Variants in CPXM1 observed in about 807,000 individuals in gnomAD.
CPXM1 encodes the protein carboxypeptidase X, M14 family member 1.
CPXM1 carries 72 observed loss-of-function variants against 80.4 expected under a neutral mutation model. The observed-to-expected ratio is 0.90, with a 90% CI of 0.74 to 1.09. CPXM1 has a LOEUF of 1.09. Among genes scored for constraint, CPXM1 ranks in the 50% least tolerant of loss-of-function variants. The probability of loss-of-function intolerance (pLI) is 0.00; values close to 1 mark genes in which losing one functional copy is unlikely to be tolerated. For missense variants in CPXM1, 892 were observed against 999.4 expected (o/e 0.89, Z 1.45); for synonymous variants, 403 against 405.6 (o/e 0.99, Z 0.08).
At chr20:2,799,514 C>T (rs1315658575) in intron 1 of CPXM1, among the ~76,000 whole-genome samples, 1 of 152,172 alleles carries the variant, frequency 6.6e-6, no homozygotes, top group Non-Finnish European at 1.5e-5. Context: ...TGGGGGTACC[C>T]ATCGAAGCTC....
chr20:2,794,471 ATCT>A lies in CPXM1; in HGVS notation c.1964-43_1964-41del, dbSNP rs747365726. The A allele has an allele frequency of 2.5e-6, 4 of 1,613,170 alleles. No homozygotes were observed. The highest frequency in any genetic ancestry group is 2.2e-5 in the South Asian group (2 of 91,036). Reference sequence around the variant, plus strand: ...GGGCACGATCAGGACCCAATTAATGATCTTCTGCTTCTTCCCGAGCCTCCAGCC... The same window carrying A: ...GGGCACGATCAGGACCCAATTAATGATCTGCTTCTTCCCGAGCCTCCAGCC... On this transcript the variant is annotated intron_variant, in intron 13 of 13. Transcript: ENST00000380605. The surrounding 1 kb of genome is among the most constrained non-coding windows in gnomAD (Gnocchi z 5.2).
Position 2,798,135 on chromosome 20 carries a change from G to GA in CPXM1, c.590+16_590+17insT, listed in dbSNP as rs753768221. 8 of 1,613,820 alleles carry GA rather than the reference G, an allele frequency of 5.0e-6. No individual in the cohort carries two copies. The South Asian group carries it at 8.8e-5, about 18-fold the overall frequency. Reference sequence around the variant, plus strand: ...AGTCCTTCTGTGACCTCCTGACCTAGGGTTAGTCTGCCTCACCTCCAGACA... The same window carrying GA: ...AGTCCTTCTGTGACCTCCTGACCTAGAGGTTAGTCTGCCTCACCTCCAGACA... On this transcript the variant is annotated intron_variant, in intron 4 of 13. Coordinates refer to ENST00000380605, the MANE Select transcript of CPXM1 (RefSeq NM_019609.5).
intron 2 of CPXM1, 77 bp downstream of exon 2, chr20:2,798,649 C>A: frequency 1.3e-6 from 2 of 1,554,846 alleles, no homozygotes; most frequent in African/African-American, 2.7e-5. Flanking sequence ...CGTGCCGGTG[C>A]CCATGAGGCC....
Position 2,794,397 on chromosome 20 carries a change from T to C in CPXM1, c.1998A>G (p.Pro666=), listed in dbSNP as rs765774641. The change falls in exon 14 of 14, where the codon CCA becomes CCG. Residue 666 remains proline, a synonymous_variant. Transcript: ENST00000380605. The surrounding 1 kb of genome is among the most constrained non-coding windows in gnomAD (Gnocchi z 5.2). ...WGGDYWRLLT[P]GDYMVTASAE... ...CACTGGCAGTCACCATGTAGTCCCC[T>C]GGGGTCAGCAGACGCCAATAATCCC... 6 of 1,614,078 alleles carry C rather than the reference T, an allele frequency of 3.7e-6. No homozygotes were observed. Among genetic ancestry groups the C allele is most frequent in the Non-Finnish European group, 5.1e-6 (6 of 1,179,992 alleles).
intron 2 of CPXM1, 68 bp from the exon 3 acceptor site, chr20:2,798,605 C>T: frequency 1.3e-6 from 2 of 1,558,468 alleles, no homozygotes; most frequent in South Asian, 1.1e-5. Flanking sequence ...GGAAGCTGAG[C>T]CTAAGGTTGC....
rs750433421 is a variant in CPXM1, at chr20:2,796,249, G to C, written c.1240C>G (p.Arg414Gly). The change falls in exon 9 of 14, where the codon CGG becomes GGG. Residue 414 changes from arginine (R) to glycine (G), a missense_variant and splice_region_variant. Coordinates refer to ENST00000380605, the MANE Select transcript of CPXM1 (RefSeq NM_019609.5). The surrounding 1 kb of genome is among the most constrained non-coding windows in gnomAD (Gnocchi z 6.8). ...NPDGYEIAYH[R>G]GSELVGWAEG... ...GGCCCTCATGCTGGGTGGCCTACCC[G>C]GTGGTAGGCGATCTCATAGCCATCA... is the stretch of plus-strand genomic sequence containing the variant. 1 of 1,613,316 alleles carries C rather than the reference G, an allele frequency of 6.2e-7. No homozygotes were observed. Among genetic ancestry groups the C allele is most frequent in the Admixed American group, 1.7e-5 (1 of 59,994 alleles).
chr20:2,795,745 T>G lies in CPXM1; in HGVS notation c.1574A>C (p.Asp525Ala). Residue 525 changes from aspartate to alanine, a missense_variant, in exon 11 of 14, where the codon GAT becomes GCT. By Grantham distance (126) the Asp-to-Ala change is moderately radical. Around this residue, in one of 2 missense-constraint regions of CPXM1, gnomAD observed 874 missense variants for 958.4 expected, o/e 0.91. Coordinates refer to ENST00000380605, the MANE Select transcript of CPXM1 (RefSeq NM_019609.5). This position sits in a 1 kb window ranked among gnomAD's most constrained non-coding sequence, Gnocchi z 5.4. ...GCTGAGCCAGCGAAACACAGCATCA[T>G]CTGGTGTGGGCGTGAGCTCGCGGGC... ...WAARELTPTP[D>A]DAVFRWLSTV... 1.9e-6 allele frequency: 3 copies of G among 1,613,814 alleles called. No individual in the cohort carries two copies. Among genetic ancestry groups the G allele is most frequent in the Non-Finnish European group, 2.5e-6 (3 of 1,180,006 alleles).
chr20:2,797,442 C>T, intron 5 of CPXM1, 100 bp from the exon 6 acceptor site: 1 of 1,288,790 alleles, frequency 7.8e-7, no homozygotes, highest in Non-Finnish European at 1.0e-6. Context: ...TGTCTCCCCA[C>T]CCTAGTGGGC....
intron 1 of CPXM1, 98 bp from the exon 2 acceptor site, chr20:2,798,991 G>T: frequency 1.6e-6 from 2 of 1,247,024 alleles, no homozygotes; most frequent in South Asian, 1.4e-5. Context: ...GCCCACAGCA[G>T]GCCACACCAC....
At position 2,795,920 on chromosome 20, in the gene CPXM1, G is replaced by T; in HGVS notation, c.1423-24C>A. The T allele has an allele frequency of 6.2e-7, 1 of 1,604,572 alleles. No homozygotes were observed. The highest frequency in any genetic ancestry group is 1.1e-5 in the South Asian group (1 of 90,302). On this transcript the variant is annotated intron_variant, in intron 10 of 13. Coordinates refer to ENST00000380605, the MANE Select transcript of CPXM1 (RefSeq NM_019609.5). The surrounding 1 kb of genome is among the most constrained non-coding windows in gnomAD (Gnocchi z 5.4). ...ACCTGGATGGGGCAGGTCAGGAGGGGCAGGAGACAGAGACAAGGTCCGCCC... is the reference window on the plus strand; with the variant it reads ...ACCTGGATGGGGCAGGTCAGGAGGGTCAGGAGACAGAGACAAGGTCCGCCC...
rs376564008 is a variant in CPXM1, at chr20:2,795,831, G to T, written c.1488C>A (p.Asn496Lys). 6.2e-7 allele frequency: 1 copy of T among 1,612,012 alleles called. No homozygotes were observed. ...MKRIPFVLSANLHGGELVVSY... is the reference protein window; with the variant it reads ...MKRIPFVLSAKLHGGELVVSY... ...ACACCACGAGCTCACCCCCGTGGAG[G>T]TTGGCACTTAGCACAAAGGGGATCC... The change falls in exon 11 of 14, where the codon AAC becomes AAA. Residue 496 changes from asparagine to lysine, a missense_variant. By Grantham distance (94) the Asn-to-Lys change is moderately conservative. This residue lies in a region of CPXM1 where 874 missense variants were observed against 958.4 expected (regional missense o/e 0.91). Coordinates refer to ENST00000380605, the MANE Select transcript of CPXM1 (RefSeq NM_019609.5). This position sits in a 1 kb window ranked among gnomAD's most constrained non-coding sequence, Gnocchi z 5.4.
Position 2,798,896 on chromosome 20 carries a change from TG to T in CPXM1, c.173-4del, listed in dbSNP as rs777260758. 3.3e-5 allele frequency: 53 copies of T among 1,613,204 alleles called. No individual in the cohort carries two copies. The highest frequency in any genetic ancestry group is 3.3e-4 in the Middle Eastern group (2 of 6,048). On this transcript the variant is annotated splice_region_variant and splice_polypyrimidine_tract_variant and intron_variant, in intron 1 of 13. Coordinates refer to ENST00000380605, the MANE Select transcript of CPXM1 (RefSeq NM_019609.5). The stretch of plus-strand genomic sequence containing the variant: ...CCGGACATGCTGTTCTGAGGTCCCT[TG>T]GGGTCCGAGAGGCACAGCATGGGGG...
At position 2,795,951 on chromosome 20, in the gene CPXM1, A is replaced by G; in HGVS notation, c.1422+31T>C. 2 of 1,600,018 alleles carry G rather than the reference A, an allele frequency of 1.2e-6. No individual in the cohort carries two copies. The highest frequency in any genetic ancestry group is 1.7e-6 in the Non-Finnish European group (2 of 1,170,876). On this transcript the variant is annotated intron_variant, in intron 10 of 13. Transcript: ENST00000380605. The surrounding 1 kb of genome is among the most constrained non-coding windows in gnomAD (Gnocchi z 5.4). ...GACAGAGACAAGGTCCGCCCCCCAC[A>G]GACCTCCACTGCCGCCCTCAAAATA... is the stretch of plus-strand genomic sequence containing the variant.
At chr20:2,797,399 A>G in intron 5 of CPXM1, 57 bp from the exon 6 acceptor site, 1 of 1,435,996 alleles carries the variant, frequency 7.0e-7, no homozygotes, top group South Asian at 1.5e-5. Flanking sequence ...CTGGCCCAGG[A>G]CCCAGGGAAG....
In CPXM1 at chr20:2,795,795, G is replaced by A. The variant is rs766818424; in HGVS notation, c.1524C>T (p.Phe508=). The change falls in exon 11 of 14, where the codon TTC becomes TTT. Residue 508 remains phenylalanine (F), a synonymous_variant. Transcript: ENST00000380605. The surrounding 1 kb of genome is among the most constrained non-coding windows in gnomAD (Gnocchi z 5.4). ...HGGELVVSYP[F]DMTRTPWAAR... is the part of the protein sequence containing the mutation. ...CAGCCCACGGGGTGCGAGTCATGTC[G>A]AATGGGTAGGACACCACGAGCTCAC... is the stretch of plus-strand genomic sequence containing the variant. The A allele has an allele frequency of 2.1e-5, 34 of 1,612,280 alleles. No individual in the cohort carries two copies. Among genetic ancestry groups the A allele is most frequent in the Admixed American group, 3.3e-5 (2 of 60,012 alleles).
rs1249760440 is a variant in CPXM1 at position 2,799,955 on chromosome 20, T to C, written c.172+446A>G. Reference sequence around the variant, plus strand: ...TTTGTCTTTGGTGAAAAGGGAAGGTTTGGGGCTTGGAAGAGGCAGCATCCC... The same window carrying C: ...TTTGTCTTTGGTGAAAAGGGAAGGTCTGGGGCTTGGAAGAGGCAGCATCCC... On this transcript the variant is annotated intron_variant, in intron 1 of 13. Transcript: ENST00000380605. Among the ~76,000 whole-genome samples, 4 of 152,164 alleles carry C rather than the reference T, an allele frequency of 2.6e-5. No individual in the cohort carries two copies. The East Asian group carries it at 7.7e-4, about 29-fold the overall frequency.
chr20:2,795,477 C>T lies in CPXM1; in HGVS notation c.1721-61G>A. 1 of 1,594,624 alleles carries T rather than the reference C, an allele frequency of 6.3e-7. No homozygotes were observed. The highest frequency in any genetic ancestry group is 1.1e-5 in the South Asian group (1 of 88,984). On this transcript the variant is annotated intron_variant, in intron 11 of 13. Transcript: ENST00000380605. The surrounding 1 kb of genome is among the most constrained non-coding windows in gnomAD (Gnocchi z 5.4). ...GGGATGCGGTCCCATCCTCCCGCTA[C>T]CCTCCCTTCTCTGAGGGACACTTCA...
In CPXM1 at chr20:2,796,700, G is replaced by A. The variant is rs2088513767; in HGVS notation, c.922-50C>T. On this transcript the variant is annotated intron_variant, in intron 7 of 13. Transcript: ENST00000380605. The surrounding 1 kb of genome is among the most constrained non-coding windows in gnomAD (Gnocchi z 6.8). ...ATGAGGCATGGGAGGGGTACACCCA[G>A]GGGCAGATCACATGTGCCATGGAAA... is the stretch of plus-strand genomic sequence containing the variant. 2 of 1,604,710 alleles carry A rather than the reference G, an allele frequency of 1.2e-6. No individual in the cohort carries two copies. Among genetic ancestry groups the A allele is most frequent in the Admixed American group, 3.4e-5 (2 of 59,522 alleles).
chr20:2,795,657 C>A lies in CPXM1; in HGVS notation c.1662G>T (p.Gln554His). The A allele has an allele frequency of 6.2e-7, 1 of 1,614,140 alleles. No individual in the cohort carries two copies. Residue 554 changes from glutamine to histidine, a missense_variant, in exon 11 of 14, where the codon CAG becomes CAT. By Grantham distance (24) the Gln-to-His change is conservative (BLOSUM62 0). Coordinates refer to ENST00000380605, the MANE Select transcript of CPXM1 (RefSeq NM_019609.5). This position sits in a 1 kb window ranked among gnomAD's most constrained non-coding sequence, Gnocchi z 5.4. ...TGATGTTGCCGTGCACGGAGAAGTC[C>A]TGGCTGTGGCAGGGTCGGCGGCTGG... ...QDTSRRPCHS[Q>H]DFSVHGNIIN...
Sources: allele counts gnomAD v4.1 joint callset (sites outside exome capture counted in the v4.1 genomes callset), GRCh38; gene constraint gnomAD v4.1.1; regional missense constraint gnomAD v4.1.1; non-coding constraint Gnocchi (gnomAD v3.1); transcripts MANE v1.5; gene names NCBI Gene and HGNC (gene_info 2026-07-23, HGNC 2026-07-21).